Variants in E2F7 observed in about 807,000 individuals in gnomAD.
E2F7 encodes the protein transcription factor E2F7.
In E2F7, 35 loss-of-function variants were observed where a neutral mutation model predicts 81.1. The observed-to-expected ratio is 0.43, with a 90% CI of 0.33 to 0.57. The LOEUF is 0.57. Among genes scored for constraint, E2F7 ranks in the 20% least tolerant of loss-of-function variants. The probability of loss-of-function intolerance (pLI) is 0.04; values close to 1 mark genes in which losing one functional copy is unlikely to be tolerated. For synonymous variants in E2F7, 416 were observed against 416.2 expected (o/e 1.00, Z 0.01); for missense variants, 961 against 1,093.7 (o/e 0.88, Z 1.71).
intron 7 of E2F7, among the ~76,000 whole-genome samples, chr12:77,036,383 A>T (rs1021814359): frequency 4.6e-5 from 7 of 151,974 alleles, no homozygotes; most frequent in Non-Finnish European, 1.0e-4. Context: ...TAAAAGGCTG[A>T]GTGTGTGGGC....
At chr12:77,051,672 A>T (rs1226265777) in intron 3 of E2F7, among the ~76,000 whole-genome samples, 1 of 152,176 alleles carries the variant, frequency 6.6e-6, no homozygotes, top group Non-Finnish European at 1.5e-5. Flanking sequence ...AATAACAGAG[A>T]ACTTCTTCAA....
chr12:77,046,554 C>G (rs1335869354), intron 4 of E2F7, among the ~76,000 whole-genome samples: 1 of 152,260 alleles, frequency 6.6e-6, no homozygotes, highest in Non-Finnish European at 1.5e-5. Context: ...GATAAAACAT[C>G]TATCTAGAGA....
At chr12:77,048,265 C>A (rs1300764097) in intron 4 of E2F7, among the ~76,000 whole-genome samples, 2 of 152,188 alleles carry the variant, frequency 1.3e-5, no homozygotes, top group Non-Finnish European at 2.9e-5. Flanking sequence ...TGGGGGCTTG[C>A]TCTGTCAGAA....
At chr12:77,059,597 T>C (rs1955062161) in intron 2 of E2F7, among the ~76,000 whole-genome samples, 1 of 152,128 alleles carries the variant, frequency 6.6e-6, no homozygotes, top group Non-Finnish European at 1.5e-5. Context: ...AGTCATCCCA[T>C]AACTGGACTG....
At chr12:77,051,760 A>G (rs1187926534) in intron 3 of E2F7, among the ~76,000 whole-genome samples, 1 of 152,244 alleles carries the variant, frequency 6.6e-6, no homozygotes, top group Non-Finnish European at 1.5e-5. Flanking sequence ...GTCAGGAAAC[A>G]ATATGGATGC....
intron 9 of E2F7, among the ~76,000 whole-genome samples, chr12:77,031,857 T>G (rs1954810519): frequency 6.6e-6 from 1 of 152,206 alleles, no homozygotes; most frequent in African/African-American, 2.4e-5. Context: ...CAGCTGCCTC[T>G]GGTTGAGTAA....
rs1401868772 is a variant in E2F7 at position 77,023,247 on chromosome 12, G to C, written c.*768C>G. On this transcript the variant is annotated 3_prime_UTR_variant, in exon 13 of 13. Coordinates refer to ENST00000322886, the MANE Select transcript of E2F7 (RefSeq NM_203394.3). ...TATCTCACTGTTCACACAGTTATTTGAGAAGCAGCAGTTAGGCTGCTAGAG... is the reference window on the plus strand; with the variant it reads ...TATCTCACTGTTCACACAGTTATTTCAGAAGCAGCAGTTAGGCTGCTAGAG... The C allele has an allele frequency of 6.6e-6, 1 of 152,620 alleles. No homozygotes were observed. Among genetic ancestry groups the C allele is most frequent in the East Asian group, 1.9e-4 (1 of 5,188 alleles). The allele number at this position is 152,620 out of a possible 1,614,324, so 9.5% of individuals were successfully genotyped here.
At chr12:77,037,000 C>T (rs1275521381) in intron 7 of E2F7, among the ~76,000 whole-genome samples, 2 of 152,130 alleles carry the variant, frequency 1.3e-5, no homozygotes, top group African/African-American at 2.4e-5. Context: ...CCACCCGCCT[C>T]GGCCTCCCAA....
chr12:77,027,897 A>C lies in E2F7; in HGVS notation c.2126T>G (p.Val709Gly). ...ACATCCCTTACCTGCAGGAGACTGC[A>C]CACAAAGATATTGTAGCAAAGAAGG... ...KEPSLLQYLC[V>G]QSPAGLNGFN... The change falls in exon 11 of 13, where the codon GTG becomes GGG. Residue 709 changes from valine (V) to glycine (G), a missense_variant. This residue lies in a region of E2F7 where 587 missense variants were observed against 620.3 expected (regional missense o/e 0.95). Coordinates refer to ENST00000322886, the MANE Select transcript of E2F7 (RefSeq NM_203394.3). The C allele has an allele frequency of 6.2e-7, 1 of 1,614,170 alleles. No individual in the cohort carries two copies. The highest frequency in any genetic ancestry group is 8.5e-7 in the Non-Finnish European group (1 of 1,180,052).
chr12:77,044,325 C>T, intron 6 of E2F7: 1 of 496,976 alleles, frequency 2.0e-6, no homozygotes, highest in Non-Finnish European at 3.9e-6. Flanking sequence ...CTCAGACATT[C>T]TGTCTTGGAT....
chr12:77,053,669 A>G (rs1437135637), intron 3 of E2F7, among the ~76,000 whole-genome samples: 1 of 152,180 alleles, frequency 6.6e-6, no homozygotes, highest in African/African-American at 2.4e-5. Flanking sequence ...ACTGCAAACA[A>G]CCCAAATGGC....
chr12:77,065,059 C>A (rs1175336731), intron 1 of E2F7, among the ~76,000 whole-genome samples: 1 of 152,150 alleles, frequency 6.6e-6, no homozygotes. Flanking sequence ...TAGACCAAAC[C>A]CACTCAGCGC....
intron 9 of E2F7, 133 bp downstream of exon 9, chr12:77,032,917 G>C (rs1344094888): frequency 1.4e-6 from 1 of 726,592 alleles, no homozygotes. Flanking sequence ...GGCACAAAGA[G>C]AAAACTTACC....
At chr12:77,049,410 GA>G (rs1417332499) in intron 4 of E2F7, among the ~76,000 whole-genome samples, 1 of 152,166 alleles carries the variant, frequency 6.6e-6, no homozygotes, top group Non-Finnish European at 1.5e-5. Context: ...GAGCTGACTA[GA>G]AACTGTTCCA....
intron 2 of E2F7, among the ~76,000 whole-genome samples, chr12:77,059,521 A>G (rs1955061676): frequency 1.3e-5 from 2 of 152,202 alleles, no homozygotes; most frequent in African/African-American, 4.8e-5. Flanking sequence ...TGTGGAGTGG[A>G]TGCTGGGATG....
intron 3 of E2F7, among the ~76,000 whole-genome samples, chr12:77,053,478 C>G (rs1171586496): frequency 6.6e-6 from 1 of 152,132 alleles, no homozygotes; most frequent in African/African-American, 2.4e-5. Context: ...GTTCAAATGG[C>G]AAAGGTCTTT....
At chr12:77,056,584 A>G (rs1454880692) in intron 2 of E2F7, among the ~76,000 whole-genome samples, 1 of 152,222 alleles carries the variant, frequency 6.6e-6, no homozygotes. Context: ...TTAATGGAAG[A>G]GCATCCAACA....
At chr12:77,027,749 A>G in intron 11 of E2F7, 134 bp downstream of exon 11, 1 of 1,225,520 alleles carries the variant, frequency 8.2e-7, no homozygotes, top group Non-Finnish European at 1.1e-6. Flanking sequence ...TGGAGAAAAC[A>G]AAGGGGCTAA....
intron 7 of E2F7, among the ~76,000 whole-genome samples, chr12:77,034,610 A>G (rs955114721): frequency 2.0e-5 from 3 of 152,230 alleles, no homozygotes; most frequent in Non-Finnish European, 4.4e-5. Flanking sequence ...GAACAGTGAG[A>G]TAATAAAAGG....
Sources: allele counts gnomAD v4.1 joint callset (sites outside exome capture counted in the v4.1 genomes callset), GRCh38; gene constraint gnomAD v4.1.1; regional missense constraint gnomAD v4.1.1; transcripts MANE v1.5; gene names NCBI Gene and HGNC (gene_info 2026-07-23, HGNC 2026-07-21).